ZNF683: variants seen among roughly 807,000 people sequenced by gnomAD.
ZNF683 encodes the protein zinc finger protein 683.
ZNF683 carries 20 observed loss-of-function variants against 31.4 expected under a neutral mutation model. That is an observed-to-expected ratio of 0.64 (90% CI 0.45 to 0.93). The LOEUF is 0.93. Ranked by LOEUF, ZNF683 falls within the 40% of genes least tolerant of loss-of-function variation. ZNF683 has a pLI of 0.00. For synonymous variants in ZNF683, 264 were observed against 267.6 expected (o/e 0.99, Z 0.13); for missense variants, 621 against 637.2 (o/e 0.97, Z 0.27).
chr1:26,364,023 G>A (rs2074453636), intron 4 of ZNF683, among the ~76,000 whole-genome samples: 2 of 152,258 alleles, frequency 1.3e-5, no homozygotes, highest in African/African-American at 4.8e-5. Context: ...GATGCGGATG[G>A]TGAGGCCAAT....
intron 1 of ZNF683, among the ~76,000 whole-genome samples, chr1:26,371,620 A>G (rs1409611830): frequency 1.5e-5 from 2 of 137,750 alleles, no homozygotes; most frequent in East Asian, 2.2e-4. Context: ...AAAAAAATAG[A>G]CATAGCAAAA....
chr1:26,367,613 T>C lies in ZNF683; in HGVS notation c.299A>G (p.Gln100Arg). Residue 100 changes from glutamine to arginine, a missense_variant, in exon 3 of 6, where the codon CAA becomes CGA. By Grantham distance (43) the Gln-to-Arg change is conservative. Transcript: ENST00000349618. ...APLGTDLQGLQEDALSMKHEP... is the reference protein window; with the variant it reads ...APLGTDLQGLREDALSMKHEP... ...CTTACTCATGCTCAAGGCGTCCTCTTGGAGGCCCTGCAGGTCTGTGCCCAG... is the reference window on the plus strand; with the variant it reads ...CTTACTCATGCTCAAGGCGTCCTCTCGGAGGCCCTGCAGGTCTGTGCCCAG... 2 of 1,608,484 alleles carry C rather than the reference T, an allele frequency of 1.2e-6. No individual in the cohort carries two copies. Among genetic ancestry groups the C allele is most frequent in the Non-Finnish European group, 1.7e-6 (2 of 1,178,074 alleles).
intron 3 of ZNF683, among the ~76,000 whole-genome samples, chr1:26,365,960 C>A (rs1433577533): frequency 6.6e-6 from 1 of 152,168 alleles, no homozygotes. Context: ...GCGGGAAGAT[C>A]ACCTGAGGTT....
intron 3 of ZNF683, among the ~76,000 whole-genome samples, chr1:26,366,946 G>A (rs577320904): frequency 7.2e-5 from 11 of 152,156 alleles, no homozygotes; most frequent in African/African-American, 2.4e-4. Context: ...ATGAGCCACC[G>A]TGCCCGGCCT....
intron 1 of ZNF683, among the ~76,000 whole-genome samples, chr1:26,369,638 A>G (rs985233922): frequency 1.3e-5 from 2 of 150,648 alleles, no homozygotes; most frequent in Non-Finnish European, 2.9e-5. Context: ...ACTGCATTCT[A>G]GCCTGGGTGA....
chr1:26,364,496 T>G, intron 4 of ZNF683, 36 bp downstream of exon 4: 1 of 1,604,120 alleles, frequency 6.2e-7, no homozygotes, highest in Non-Finnish European at 8.5e-7. Flanking sequence ...CCCTGAAGGA[T>G]GTTGAGGGGA....
intron 1 of ZNF683, among the ~76,000 whole-genome samples, chr1:26,369,626 C>G (rs1439365319): frequency 6.6e-6 from 1 of 151,656 alleles, no homozygotes; most frequent in Non-Finnish European, 1.5e-5. Context: ...CAAGATAGCA[C>G]CACTGCATTC....
In ZNF683 at chr1:26,372,690, T is replaced by C. The variant is rs945637014; in HGVS notation, c.-36A>G. On this transcript the variant is annotated 5_prime_UTR_variant, in exon 1 of 6. Transcript: ENST00000349618. ...CTACTCTGGTGATCATGGGCTTTCC[T>C]TGGCTTGGGTCTCTGGTCTGGGTCA... is the stretch of plus-strand genomic sequence containing the variant. 3.1e-6 allele frequency: 4 copies of C among 1,283,534 alleles called. No individual in the cohort carries two copies. Among genetic ancestry groups the C allele is most frequent in the South Asian group, 2.6e-5 (2 of 77,910 alleles). 79.5% of individuals were successfully genotyped at this position (1,283,534 alleles called of 1,614,324 possible).
chr1:26,365,191 CGGT>C lies in ZNF683; in HGVS notation c.352_354del (p.Thr118del). On this transcript the variant is annotated inframe_deletion, in exon 4 of 6. Coordinates refer to ENST00000349618, the MANE Select transcript of ZNF683 (RefSeq NM_001114759.3). ...TACTTGACTGTGAATTTCTTGTCAT[CGGT>C]GGAGCTGGCCTGCAGCCCTGGTGGC... 6.2e-7 allele frequency: 1 copy of C among 1,608,132 alleles called. No individual in the cohort carries two copies. Among genetic ancestry groups the C allele is most frequent in the Non-Finnish European group, 8.5e-7 (1 of 1,177,590 alleles).
intron 1 of ZNF683, chr1:26,372,379 C>A: frequency 1.1e-6 from 1 of 920,086 alleles, no homozygotes; most frequent in South Asian, 1.6e-5. Flanking sequence ...GAAACTTTTC[C>A]CCTACATGAG....
upstream of ZNF683, chr1:26,372,806 T>C: frequency 8.4e-7 from 1 of 1,189,072 alleles, no homozygotes. Context: ...ACATCACATT[T>C]AGGCCTGTGA....
chr1:26,362,905 C>A, intron 5 of ZNF683, 121 bp downstream of exon 5: 1 of 1,349,316 alleles, frequency 7.4e-7, no homozygotes, highest in Non-Finnish European at 1.0e-6. Context: ...TTTCACTCCC[C>A]CTTCCCATCT....
rs1266572735 is a variant in ZNF683 at position 26,361,806 on chromosome 1, C to T, written c.1360G>A (p.Gly454Arg). The change falls in exon 6 of 6, where the codon GGG (glycine) becomes AGG (arginine). Residue 454 changes from glycine to arginine, a missense_variant. Gly to Arg is a moderately radical substitution (Grantham distance 125). Coordinates refer to ENST00000349618, the MANE Select transcript of ZNF683 (RefSeq NM_001114759.3). ...GCCACCGCCATAAGATCTAGTGCCC[C>T]CTGGTGCCATTGGGCAAGGCAGGCC... The part of the protein sequence containing the change: ...SLACLAQWHQ[G>R]ALDLMAVASE... The T allele has an allele frequency of 2.5e-6, 4 of 1,614,064 alleles. No homozygotes were observed. Among genetic ancestry groups the T allele is most frequent in the Non-Finnish European group, 3.4e-6 (4 of 1,179,906 alleles).
At chr1:26,364,397 C>G (rs988821643) in intron 4 of ZNF683, 135 bp downstream of exon 4, 5 of 954,720 alleles carry the variant, frequency 5.2e-6, no homozygotes, top group African/African-American at 1.6e-5. Flanking sequence ...AATGAACCAT[C>G]CAAGGTCACT....
At chr1:26,362,681 C>T (rs2074414950) in intron 5 of ZNF683, among the ~76,000 whole-genome samples, 1 of 152,130 alleles carries the variant, frequency 6.6e-6, no homozygotes, top group African/African-American at 2.4e-5. Context: ...TGGCCAGGCT[C>T]ACAGAAGGAG....
In ZNF683 at chr1:26,372,717, G is replaced by A. The variant is rs1570279312; in HGVS notation, c.-63C>T. On this transcript the variant is annotated 5_prime_UTR_variant, in exon 1 of 6. Transcript: ENST00000349618. ...GGCTTGGGTCTCTGGTCTGGGTCAA[G>A]GCATCTGCTCAGGTTCCTCAGTTAG... The A allele has an allele frequency of 1.6e-6, 2 of 1,256,464 alleles. No homozygotes were observed. Among genetic ancestry groups the A allele is most frequent in the East Asian group, 1.1e-4 (2 of 17,824 alleles). The allele number at this position is 1,256,464 out of a possible 1,614,324, so 77.8% of individuals were successfully genotyped here.
intron 3 of ZNF683, among the ~76,000 whole-genome samples, chr1:26,367,071 C>G (rs1289619794): frequency 1.3e-5 from 2 of 152,142 alleles, no homozygotes; most frequent in East Asian, 3.9e-4. Context: ...TCGAGACCAG[C>G]CTGGCCAACA....
chr1:26,370,216 A>T (rs1010063862), intron 1 of ZNF683, among the ~76,000 whole-genome samples: 2 of 152,052 alleles, frequency 1.3e-5, no homozygotes, highest in Non-Finnish European at 2.9e-5. Flanking sequence ...CACCAAGGGG[A>T]ATCCTGCATC....
chr1:26,373,251 G>A (rs2124223999), upstream of ZNF683: 1 of 152,586 alleles, frequency 6.6e-6, no homozygotes, highest in African/African-American at 2.4e-5. Flanking sequence ...AGCCAAGTGT[G>A]GTGGCACGTG....
Sources: allele counts gnomAD v4.1 joint callset (sites outside exome capture counted in the v4.1 genomes callset), GRCh38; gene constraint gnomAD v4.1.1; transcripts MANE v1.5; gene names NCBI Gene and HGNC (gene_info 2026-07-23, HGNC 2026-07-21).